The following MICU1 variants were observed in gnomAD, a reference collection of about 807,000 sequenced individuals.
The protein encoded by MICU1 is mitochondrial calcium uptake 1.
Under a neutral mutation model 56.8 loss-of-function variants are expected in MICU1, and 45 were observed. That is an observed-to-expected ratio of 0.79 (90% CI 0.62 to 1.02). MICU1 has a LOEUF of 1.02. Ranked by LOEUF, MICU1 falls within the 50% of genes least tolerant of loss-of-function variation. The pLI, the probability that MICU1 is intolerant of heterozygous loss-of-function variation, is 0.00. For synonymous variants in MICU1, 186 were observed against 195.1 expected (o/e 0.95, Z 0.39); for missense variants, 504 against 587.1 (o/e 0.86, Z 1.46).
intron 8 of MICU1, among the ~76,000 whole-genome samples, chr10:72,429,849 C>T (rs148058837): frequency 3.3e-5 from 5 of 152,230 alleles, no homozygotes; most frequent in Admixed American, 6.5e-5. Context: ...TGTTAATTCT[C>T]GCAATGCTAT....
rs1202727249 is a variant in MICU1 at position 72,448,173 on chromosome 10, G to GTA, written c.934-24804_934-24803dup. ...TGTCTGTGTGTGTGTATATGTGTGTGTATATATATATATATATATATTTTT... is the reference window on the plus strand; with the variant it reads ...TGTCTGTGTGTGTGTATATGTGTGTGTATATATATATATATATATATATTTTT... On this transcript the variant is annotated intron_variant, in intron 8 of 11. Transcript: ENST00000361114. Among the ~76,000 whole-genome samples the GTA allele has an allele frequency of 6.4e-3, 497 of 77,142 alleles. 6 individuals carry two copies. The highest frequency in any genetic ancestry group is 0.02 in the South Asian group (40 of 2,002). The allele number at this position is 77,142 out of a possible 152,430, so 50.6% of individuals were successfully genotyped here. A position where few individuals can be genotyped will look rare whatever the true frequency, so the allele number is the denominator to read the frequency against.
chr10:72,482,439 A>G (rs1190260786), intron 6 of MICU1, among the ~76,000 whole-genome samples: 3 of 152,202 alleles, frequency 2.0e-5, no homozygotes, highest in African/African-American at 7.2e-5. Context: ...GAGAAGTCTG[A>G]GTTTTGAAAA....
chr10:72,594,539 A>C (rs1367494402), intron 1 of MICU1, among the ~76,000 whole-genome samples: 1 of 152,094 alleles, frequency 6.6e-6, no homozygotes, highest in Non-Finnish European at 1.5e-5. Context: ...GCAACAAAAG[A>C]AAAAAATAGA....
At chr10:72,561,852 CA>C in intron 3 of MICU1, among the ~76,000 whole-genome samples, 1 of 152,282 alleles carries the variant, frequency 6.6e-6, no homozygotes, top group African/African-American at 2.4e-5. Flanking sequence ...TGAAACCAGA[CA>C]GAAGATCCAG....
intron 11 of MICU1, 109 bp from the exon 12 acceptor site, chr10:72,368,464 A>C: frequency 1.7e-6 from 2 of 1,178,520 alleles, no homozygotes; most frequent in Non-Finnish European, 2.4e-6. Flanking sequence ...GACATTCTCC[A>C]CAGCCAAACT....
chr10:72,554,932 T>C (rs1381049037), intron 3 of MICU1, among the ~76,000 whole-genome samples: 1 of 152,146 alleles, frequency 6.6e-6, no homozygotes, highest in South Asian at 2.1e-4. Context: ...GGAGAATCTC[T>C]TGAGCCTGGG....
intron 1 of MICU1, among the ~76,000 whole-genome samples, chr10:72,577,495 G>A (rs1338290267): frequency 2.0e-5 from 3 of 147,706 alleles, no homozygotes; most frequent in Non-Finnish European, 4.4e-5. Context: ...GGTGACAAGA[G>A]CTAAACTCCG....
At chr10:72,386,917 A>C (rs1012089642) in intron 10 of MICU1, among the ~76,000 whole-genome samples, 4 of 152,148 alleles carry the variant, frequency 2.6e-5, no homozygotes, top group African/African-American at 7.2e-5. Flanking sequence ...CATAAATTAG[A>C]TCTTACAGGG....
chr10:72,368,189 G>A lies in MICU1; in HGVS notation c.*6C>T, dbSNP rs535009170. ...GGGTGGAGGGGTCCCCTCTTGCAGT[G>A]TGGGGTTACTGTTTGGGTAAAGCGA... On this transcript the variant is annotated 3_prime_UTR_variant, in exon 12 of 12. Transcript: ENST00000361114. The A allele has an allele frequency of 6.2e-7, 1 of 1,610,124 alleles. No homozygotes were observed. The highest frequency in any genetic ancestry group is 1.3e-5 in the African/African-American group (1 of 74,984).
chr10:72,588,688 G>A (rs1226456610), intron 1 of MICU1, among the ~76,000 whole-genome samples: 1 of 152,160 alleles, frequency 6.6e-6, no homozygotes, highest in Non-Finnish European at 1.5e-5. Context: ...GGCACTATTG[G>A]CATTTTGACG....
intron 5 of MICU1, among the ~76,000 whole-genome samples, chr10:72,523,180 C>A (rs1159055490): frequency 6.6e-6 from 1 of 152,086 alleles, no homozygotes; most frequent in Non-Finnish European, 1.5e-5. Flanking sequence ...AGCCGTAAGC[C>A]ATACAATTAT....
intron 1 of MICU1, among the ~76,000 whole-genome samples, chr10:72,567,706 G>A (rs919776523): frequency 3.9e-5 from 6 of 152,192 alleles, no homozygotes; most frequent in African/African-American, 1.4e-4. Flanking sequence ...AATTGCATAT[G>A]AGAGTTGCTG....
At chr10:72,374,009 G>C (rs958828898) in intron 11 of MICU1, among the ~76,000 whole-genome samples, 1 of 152,262 alleles carries the variant, frequency 6.6e-6, no homozygotes, top group Non-Finnish European at 1.5e-5. Context: ...GGCAGCTCTA[G>C]AGAATAAACC....
intron 8 of MICU1, among the ~76,000 whole-genome samples, chr10:72,456,759 A>C (rs937725654): frequency 6.6e-6 from 1 of 151,358 alleles, no homozygotes; most frequent in Admixed American, 6.6e-5. Flanking sequence ...CACAATCCCA[A>C]CTCACTGCAG....
At chr10:72,375,678 G>T in intron 11 of MICU1, 105 bp downstream of exon 11, 1 of 1,033,628 alleles carries the variant, frequency 9.7e-7, no homozygotes, top group Non-Finnish European at 1.4e-6. Context: ...AGCTTGAAGA[G>T]GATGGGCTGG....
intron 5 of MICU1, chr10:72,509,530 C>T (rs747870905): frequency 1.5e-4 from 104 of 672,286 alleles, no homozygotes; most frequent in Non-Finnish European, 2.3e-4. Context: ...TTCAAAATAG[C>T]CTCTACTAGA....
chr10:72,616,084 C>G (rs1230517308), intron 1 of MICU1, among the ~76,000 whole-genome samples: 1 of 152,122 alleles, frequency 6.6e-6, no homozygotes, highest in South Asian at 2.1e-4. Flanking sequence ...TGTTTTAAAT[C>G]CCTCTTTACT....
At chr10:72,443,039 C>T (rs1025034742) in intron 8 of MICU1, among the ~76,000 whole-genome samples, 2 of 152,176 alleles carry the variant, frequency 1.3e-5, no homozygotes, top group African/African-American at 4.8e-5. Context: ...TTACAGGCAT[C>T]AGCCACAGTG....
At chr10:72,430,085 C>A (rs1864476861) in intron 8 of MICU1, among the ~76,000 whole-genome samples, 2 of 151,760 alleles carry the variant, frequency 1.3e-5, no homozygotes, top group South Asian at 2.1e-4. Flanking sequence ...TTATGACTTA[C>A]ACTTTTCATA....
Sources: gnomAD v4.1 joint callset for allele counts (sites outside exome capture counted in the v4.1 genomes callset) on GRCh38, gnomAD v4.1.1 for gene constraint, MANE v1.5 for transcripts, NCBI Gene and HGNC (gene_info 2026-07-23, HGNC 2026-07-21) for gene names.